Variants in ASPH observed in about 807,000 individuals in gnomAD.
ASPH encodes the protein aspartate beta-hydroxylase.
A neutral mutation model predicts 118.4 loss-of-function variants in ASPH; 100 were observed. The ratio of observed to expected loss-of-function variants is 0.84; its 90% confidence interval spans 0.72 to 1.00. ASPH has a LOEUF of 1.00. Ranked by LOEUF, ASPH falls within the 50% of genes least tolerant of loss-of-function variation. ASPH has a pLI of 0.00. For missense variants in ASPH, 920 were observed against 919.5 expected, an observed-to-expected ratio of 1.00 and a Z score of -0.01; for synonymous variants, 315 against 325.6, an observed-to-expected ratio of 0.97 and a Z score of 0.35.
chr8:61,529,955 G>A, intron 21 of ASPH, among the ~76,000 whole-genome samples: 1 of 152,236 alleles, frequency 6.6e-6, no homozygotes, highest in Non-Finnish European at 1.5e-5. Context: ...CTATCACCTT[G>A]GGAGTCAAAT....
chr8:61,527,448 C>T (rs551273177), intron 21 of ASPH, among the ~76,000 whole-genome samples: 9 of 152,210 alleles, frequency 5.9e-5, no homozygotes, highest in African/African-American at 2.2e-4. Flanking sequence ...CCAGCCCCAG[C>T]CAAACAAGGG....
At chr8:61,555,204 A>G (rs1308238851) in intron 19 of ASPH, among the ~76,000 whole-genome samples, 1 of 152,200 alleles carries the variant, frequency 6.6e-6, no homozygotes, top group African/African-American at 2.4e-5. Context: ...AGTACAGTAA[A>G]TATATAATTA....
At chr8:61,593,568 C>G (rs768965955) in intron 14 of ASPH, among the ~76,000 whole-genome samples, 4 of 152,216 alleles carry the variant, frequency 2.6e-5, no homozygotes, top group Non-Finnish European at 4.4e-5. Flanking sequence ...GCTCCCTCTA[C>G]TAAACTAATG....
At chr8:61,512,013 A>C (rs951244094) in intron 24 of ASPH, among the ~76,000 whole-genome samples, 5 of 152,184 alleles carry the variant, frequency 3.3e-5, no homozygotes, top group African/African-American at 1.2e-4. Flanking sequence ...CTGGAAACAA[A>C]ACCCAGCATT....
chr8:61,695,608 G>A (rs1833736291), intron 1 of ASPH, among the ~76,000 whole-genome samples: 1 of 152,166 alleles, frequency 6.6e-6, no homozygotes. Flanking sequence ...ACAGCAGTGT[G>A]CACCTCTTTA....
chr8:61,517,482 T>TCATCCTCTGAGGTGACGGATATGA (rs1167943825), intron 24 of ASPH, 46 bp downstream of exon 24: 1 of 1,598,334 alleles, frequency 6.3e-7, no homozygotes, highest in South Asian at 1.1e-5. Context: ...TAACAAACTC[T>TCATCCTCTGAGGTGACGGATATGA]CATCCTCTGA....
chr8:61,602,632 A>T (rs1844363194), intron 14 of ASPH, among the ~76,000 whole-genome samples: 1 of 151,212 alleles, frequency 6.6e-6, no homozygotes, highest in Non-Finnish European at 1.5e-5. Context: ...ATGCGTAGGG[A>T]CCTTAAGTGG....
intron 20 of ASPH, among the ~76,000 whole-genome samples, chr8:61,551,553 G>A (rs912148121): frequency 2.6e-5 from 4 of 152,166 alleles, no homozygotes; most frequent in African/African-American, 7.2e-5. Flanking sequence ...AGTCCCATAC[G>A]TTCAAATCCC....
intron 3 of ASPH, among the ~76,000 whole-genome samples, chr8:61,655,934 T>G (rs1365575337): frequency 6.6e-6 from 1 of 152,172 alleles, no homozygotes; most frequent in African/African-American, 2.4e-5. Flanking sequence ...TTTTTGAAAC[T>G]TAACAAAAAC....
chr8:61,588,926 A>G (rs1840282199), intron 14 of ASPH, among the ~76,000 whole-genome samples: 1 of 152,248 alleles, frequency 6.6e-6, no homozygotes, highest in African/African-American at 2.4e-5. Flanking sequence ...AAAATGAAAT[A>G]CTACTCAGCA....
At chr8:61,624,560 C>A in intron 13 of ASPH, 1 of 975,744 alleles carries the variant, frequency 1.0e-6, no homozygotes, top group Non-Finnish European at 1.2e-6. Flanking sequence ...TATTTTATTG[C>A]ACTCAACATT....
intron 14 of ASPH, among the ~76,000 whole-genome samples, chr8:61,590,249 T>C (rs892085612): frequency 6.6e-6 from 1 of 152,134 alleles, no homozygotes; most frequent in Non-Finnish European, 1.5e-5. Flanking sequence ...AGGAACTTTA[T>C]TGATGCTGAG....
At chr8:61,566,030 A>C (rs868143149) in intron 17 of ASPH, among the ~76,000 whole-genome samples, 26 of 152,206 alleles carry the variant, frequency 1.7e-4, no homozygotes, top group African/African-American at 6.0e-4. Flanking sequence ...CTGCTCACTG[A>C]TAAGCACCTA....
chr8:61,632,535 C>G (rs1856043582), intron 13 of ASPH: 1 of 235,374 alleles, frequency 4.2e-6, no homozygotes, highest in Non-Finnish European at 8.6e-6. Flanking sequence ...CTGCCCTTGC[C>G]CTGTCCAAGT....
intron 24 of ASPH, among the ~76,000 whole-genome samples, chr8:61,507,059 T>C (rs1035112123): frequency 2.0e-5 from 3 of 152,204 alleles, no homozygotes; most frequent in Non-Finnish European, 4.4e-5. Context: ...TTTCACTAGA[T>C]TATGATACGT....
At chr8:61,581,583 T>G (rs1264207320) in intron 15 of ASPH, among the ~76,000 whole-genome samples, 1 of 152,258 alleles carries the variant, frequency 6.6e-6, no homozygotes, top group East Asian at 1.9e-4. Flanking sequence ...CAAATGTTTC[T>G]CTCTGGACTT....
At chr8:61,619,765 T>C (rs919782430) in intron 13 of ASPH, among the ~76,000 whole-genome samples, 1 of 152,192 alleles carries the variant, frequency 6.6e-6, no homozygotes, top group African/African-American at 2.4e-5. Flanking sequence ...AGGACTACTG[T>C]GTAAGGTAAA....
At chr8:61,665,837 A>G (rs1819284586) in intron 3 of ASPH, among the ~76,000 whole-genome samples, 1 of 152,178 alleles carries the variant, frequency 6.6e-6, no homozygotes, top group Admixed American at 6.5e-5. Flanking sequence ...TTCCATCTTG[A>G]AATATAGTAT....
intron 21 of ASPH, among the ~76,000 whole-genome samples, chr8:61,534,662 A>T (rs192474997): frequency 6.6e-6 from 1 of 152,172 alleles, no homozygotes; most frequent in African/African-American, 2.4e-5. Context: ...TTGAGGTTTG[A>T]CCTAAACCAT....
Sources: gnomAD v4.1 joint callset for allele counts (sites outside exome capture counted in the v4.1 genomes callset) on GRCh38, gnomAD v4.1.1 for gene constraint, MANE v1.5 for transcripts, NCBI Gene and HGNC (gene_info 2026-07-23, HGNC 2026-07-21) for gene names.